SETD1B: variants seen among roughly 807,000 people sequenced by gnomAD.
SETD1B encodes the protein SET domain containing 1B, histone lysine methyltransferase.
SETD1B carries 7 observed loss-of-function variants against 148.0 expected under a neutral mutation model. The observed-to-expected ratio is 0.05, with a 90% CI of 0.03 to 0.09. The LOEUF is 0.09. SETD1B is among the 10% of genes least tolerant of loss of function. The pLI, the probability that SETD1B is intolerant of heterozygous loss-of-function variation, is 1.00. For synonymous variants in SETD1B, 1,361 were observed against 1,186.5 expected (o/e 1.15, Z -3.02); for missense variants, 2,155 against 2,729.9 (o/e 0.79, Z 4.69).
chr12:121,809,546 A>G, intron 5 of SETD1B, 57 bp from the exon 6 acceptor site: 1 of 1,474,578 alleles, frequency 6.8e-7, no homozygotes, highest in Non-Finnish European at 9.0e-7. Flanking sequence ...AAGGGAAAAT[A>G]GCCCTGTTCC....
chr12:121,793,445 C>G, the SETD1B span: 1 of 1,533,690 alleles, frequency 6.5e-7, no homozygotes, highest in African/African-American at 1.4e-5. Flanking sequence ...GCTCTGGGCT[C>G]AGGGTAAGGG....
chr12:121,805,376 C>G lies in SETD1B; in HGVS notation c.273+160C>G, dbSNP rs948856626. 1.3e-5 allele frequency among the ~76,000 whole-genome samples: 2 copies of G among 152,246 alleles called. No homozygotes were observed. Among genetic ancestry groups the G allele is most frequent in the South Asian group, 4.1e-4 (2 of 4,828 alleles). On this transcript the variant is annotated intron_variant, in intron 3 of 16. Transcript: ENST00000604567. This position sits in a 1 kb window ranked among gnomAD's most constrained non-coding sequence, Gnocchi z 4.2. ...TAGAGCGCTGGCGAGAGGGTGTCCC[C>G]TCTCAGCTACTGAAAACAAAATAAC...
chr12:121,817,675 T>C lies in SETD1B; in HGVS notation c.3283T>C (p.Ser1095Pro). Residue 1095 changes from serine (S) to proline (P), a missense_variant, in exon 9 of 17, where the codon TCC (serine) becomes CCC (proline). Coordinates refer to ENST00000604567, the MANE Select transcript of SETD1B (RefSeq NM_001353345.2). This position sits in a 1 kb window ranked among gnomAD's most constrained non-coding sequence, Gnocchi z 8.1. ...GGAAGTCCCCAGGAGCCAGCTCTCC[T>C]CCTCCTCAACCTCATCCACATCAGA... ...EEEVPRSQLSSSSTSSTSDKD... is the reference protein window; with the variant it reads ...EEEVPRSQLSPSSTSSTSDKD... 6.5e-7 allele frequency: 1 copy of C among 1,550,274 alleles called. No individual in the cohort carries two copies. The highest frequency in any genetic ancestry group is 2.0e-5 in the Admixed American group (1 of 50,990).
rs1474111237 is a variant in SETD1B at position 121,809,683 on chromosome 12, T to A, written c.738T>A (p.Asn246Lys). The stretch of plus-strand genomic sequence containing the variant: ...CCGGCTCCTCCTCTGTCACCCCCAA[T>A]AGCGGTGGGACACCCTTCTCCCAGG... ...CGSGSSSVTP[N>K]SGGTPFSQDT... The change falls in exon 6 of 17, where the codon AAT becomes AAA. Residue 246 changes from asparagine (N) to lysine (K), a missense_variant. Transcript: ENST00000604567. 1.3e-6 allele frequency: 2 copies of A among 1,551,468 alleles called. No individual in the cohort carries two copies. The highest frequency in any genetic ancestry group is 2.4e-5 in the South Asian group (2 of 84,068).
chr12:121,823,552 G>T lies in SETD1B; in HGVS notation c.4973G>T (p.Gly1658Val). 12 of 1,551,136 alleles carry T rather than the reference G, an allele frequency of 7.7e-6. No homozygotes were observed. Among genetic ancestry groups the T allele is most frequent in the Non-Finnish European group, 1.0e-5 (12 of 1,146,944 alleles). The change falls in exon 12 of 17, where the codon GGC becomes GTC. Residue 1658 changes from glycine (G) to valine (V), a missense_variant. Physicochemically the swap from Gly to Val is moderately radical, Grantham distance 109. Transcript: ENST00000604567. ...KRHEDLVPPA[G>V]SPELSPPQPL... ...CATGAGGACCTGGTGCCACCTGCGG[G>T]CTCGCCCGAACTCTCGCCACCCCAG...
rs1480059016 is a variant in SETD1B at position 121,823,273 on chromosome 12, A to G, written c.4694A>G (p.His1565Arg). 4 of 1,549,270 alleles carry G rather than the reference A, an allele frequency of 2.6e-6. No homozygotes were observed. The Admixed American group carries it at 5.9e-5, about 23-fold the overall frequency. ...QPQTPVFPST[H>R]DPRTVTLDFR... ...CAGACCCCCGTCTTCCCCAGCACCC[A>G]TGACCCCCGGACGGTGACCCTGGAC... The change falls in exon 12 of 17, where the codon CAT becomes CGT. Residue 1565 changes from histidine (H) to arginine (R), a missense_variant. This residue lies in a region of SETD1B where 862 missense variants were observed against 873.8 expected (regional missense o/e 0.99). Coordinates refer to ENST00000604567, the MANE Select transcript of SETD1B (RefSeq NM_001353345.2).
intron 13 of SETD1B, 77 bp downstream of exon 13, chr12:121,825,443 C>A: frequency 7.1e-7 from 1 of 1,415,242 alleles, no homozygotes; most frequent in Non-Finnish European, 9.5e-7. Flanking sequence ...TGGAGGGGTG[C>A]CAGGCAGAGG....
At chr12:121,790,169 C>T in the SETD1B span, among the ~76,000 whole-genome samples, 4 of 152,250 alleles carry the variant, frequency 2.6e-5, no homozygotes, top group Non-Finnish European at 5.9e-5. Context: ...GGGCCTTCCA[C>T]GAGGGCCCCT....
rs1215881503 is a variant in SETD1B at position 121,806,034 on chromosome 12, A to G, written c.473A>G (p.Lys158Arg). The change falls in exon 4 of 17, where the codon AAG becomes AGG. Residue 158 changes from lysine to arginine, a missense_variant. Physicochemically the swap from Lys to Arg is conservative, Grantham distance 26 (BLOSUM62 2). Coordinates refer to ENST00000604567, the MANE Select transcript of SETD1B (RefSeq NM_001353345.2). ...GTCTTTGCCACGGTCCGGGGAGCCAAGGATGCCGTTCAGCACTTGCACAGC... is the reference window on the plus strand; with the variant it reads ...GTCTTTGCCACGGTCCGGGGAGCCAGGGATGCCGTTCAGCACTTGCACAGC... ...KVVFATVRGA[K>R]DAVQHLHSTS... 2 of 1,551,728 alleles carry G rather than the reference A, an allele frequency of 1.3e-6. No homozygotes were observed. Among genetic ancestry groups the G allele is most frequent in the Non-Finnish European group, 1.7e-6 (2 of 1,146,998 alleles).
At chr12:121,819,117 G>T (rs558918751) in intron 10 of SETD1B, among the ~76,000 whole-genome samples, 2 of 151,918 alleles carry the variant, frequency 1.3e-5, no homozygotes, top group African/African-American at 4.8e-5. Context: ...GGTGGTGCAT[G>T]CCTGTAATCC....
chr12:121,825,728 T>C (rs1876809763), intron 13 of SETD1B, among the ~76,000 whole-genome samples: 2 of 152,036 alleles, frequency 1.3e-5, no homozygotes, highest in African/African-American at 4.8e-5. Flanking sequence ...CACTGCAACC[T>C]CTGCCTCCTG....
chr12:121,802,382 AAG>A (rs1366234595), upstream of SETD1B: 4 of 152,230 alleles, frequency 2.6e-5, no homozygotes, highest in East Asian at 1.9e-4. Context: ...TAAAAACTAA[AAG>A]AGTAACAACT....
At chr12:121,827,492 C>T in intron 13 of SETD1B, 27 bp from the exon 14 acceptor site, 1 of 1,512,360 alleles carries the variant, frequency 6.6e-7, no homozygotes, top group Non-Finnish European at 8.9e-7. Context: ...GCCAGCTCCG[C>T]TGAGCCCCGC....
At position 121,823,289 on chromosome 12, in the gene SETD1B, G is replaced by A. The variant is rs1354004090; in HGVS notation, c.4710G>A (p.Val1570=). 6.5e-7 allele frequency: 1 copy of A among 1,549,412 alleles called. No homozygotes were observed. The highest frequency in any genetic ancestry group is 1.2e-5 in the South Asian group (1 of 84,050). ...VFPSTHDPRT[V]TLDFRNAGIP... ...CCAGCACCCATGACCCCCGGACGGT[G>A]ACCCTGGACTTCCGGAACGCGGGGA... The change falls in exon 12 of 17, where the codon GTG becomes GTA. Residue 1570 remains valine (V), a synonymous_variant. Transcript: ENST00000604567.
intron 13 of SETD1B, among the ~76,000 whole-genome samples, chr12:121,826,653 T>C (rs1341798825): frequency 6.6e-6 from 1 of 150,768 alleles, no homozygotes; most frequent in Admixed American, 6.6e-5. Flanking sequence ...GGAGCTGGGG[T>C]GGTGTGGAGC....
chr12:121,797,732 A>G, the SETD1B span: 1 of 388,590 alleles, frequency 2.6e-6, no homozygotes, highest in Non-Finnish European at 5.2e-6. Context: ...CTCTAAAGGG[A>G]GGCGCCACAC....
chr12:121,793,058 C>T, the SETD1B span: 1 of 1,092,616 alleles, frequency 9.2e-7, no homozygotes, highest in East Asian at 2.6e-5. Flanking sequence ...CCTGCCAAGG[C>T]TGCAGGGCGG....
intron 12 of SETD1B, 37 bp from the exon 13 acceptor site, chr12:121,825,161 GCT>G (rs1566559944): frequency 6.5e-7 from 1 of 1,545,386 alleles, no homozygotes; most frequent in Non-Finnish European, 8.7e-7. Flanking sequence ...ACCAGAAGGG[GCT>G]CTCAGAATGT....
In SETD1B at chr12:121,809,977, C is replaced by A. The variant is rs547856709; in HGVS notation, c.1032C>A (p.Ala344=). 6.4e-7 allele frequency: 1 copy of A among 1,550,944 alleles called. No individual in the cohort carries two copies. The highest frequency in any genetic ancestry group is 2.0e-5 in the Admixed American group (1 of 51,010). The change falls in exon 6 of 17, where the codon GCC becomes GCA. Residue 344 remains alanine (A), a synonymous_variant. Transcript: ENST00000604567. ...PAVTAVAGAT[A]AFRGSSDLPF... ...TCACTGCGGTGGCCGGGGCCACAGC[C>A]GCTTTCCGGGGTTCCTCGGACCTCC...
Sources: gnomAD v4.1 joint callset for allele counts (sites outside exome capture counted in the v4.1 genomes callset) on GRCh38, gnomAD v4.1.1 for gene constraint, gnomAD v4.1.1 regional missense constraint, Gnocchi (gnomAD v3.1) non-coding constraint, MANE v1.5 for transcripts, NCBI Gene and HGNC (gene_info 2026-07-23, HGNC 2026-07-21) for gene names.